Variants in NLK observed in about 807,000 individuals in gnomAD.
NLK encodes the protein serine/threonine-protein kinase NLK.
In NLK, 11 loss-of-function variants were observed where a neutral mutation model predicts 59.0. That is an observed-to-expected ratio of 0.19 (90% confidence interval 0.12 to 0.31). The LOEUF (loss-of-function observed/expected upper bound fraction) is 0.31. Ranked by LOEUF, NLK falls within the 10% of genes least tolerant of loss-of-function variation. The pLI is 1.00. For synonymous variants in NLK, 235 were observed against 235.9 expected (o/e 1.00, Z 0.03); for missense variants, 410 against 661.1 (o/e 0.62, Z 4.16).
chr17:28,128,267 A>G (rs1020835679), intron 2 of NLK, among the ~76,000 whole-genome samples: 6 of 152,220 alleles, frequency 3.9e-5, no homozygotes, highest in African/African-American at 1.4e-4. Context: ...TATTAATGTT[A>G]ATTTCTATTA....
intron 1 of NLK, chr17:28,047,921 A>G: frequency 2.5e-6 from 1 of 398,384 alleles, no homozygotes; most frequent in Non-Finnish European, 4.4e-6. Context: ...TTACAGGTTG[A>G]GAATCTGTAG....
At chr17:28,197,348 A>C (rs936829316), downstream of NLK, among the ~76,000 whole-genome samples, 2 of 152,098 alleles carry the variant, frequency 1.3e-5, no homozygotes, top group African/African-American at 4.8e-5. Flanking sequence ...GGGCGCCTAT[A>C]ATCCCACCTA....
In NLK at chr17:28,185,222, A is replaced by G. The variant is rs1485735310; in HGVS notation, c.1193A>G (p.His398Arg). 1 of 1,596,170 alleles carries G rather than the reference A, an allele frequency of 6.3e-7. No homozygotes were observed. The highest frequency in any genetic ancestry group is 8.5e-7 in the Non-Finnish European group (1 of 1,170,282). Residue 398 changes from histidine to arginine, a missense_variant, in exon 8 of 11, where the codon CAT (histidine) becomes CGT (arginine). His to Arg is a conservative substitution (Grantham distance 29). Transcript: ENST00000407008. ...TATACCCTGTCTAGCCAGGCTACAC[A>G]TGAAGCTGTTCATCTCCTTTGCAGG... ...VLYTLSSQAT[H>R]EAVHLLCRML...
chr17:28,112,254 G>T (rs1475767255), intron 1 of NLK, among the ~76,000 whole-genome samples: 1 of 152,066 alleles, frequency 6.6e-6, no homozygotes, highest in African/African-American at 2.4e-5. Context: ...GGCTTTCTCT[G>T]TTCTTTTCTA....
At chr17:28,202,866 T>C in the NLK span, among the ~76,000 whole-genome samples, 3 of 151,824 alleles carry the variant, frequency 2.0e-5, no homozygotes, top group Middle Eastern at 0.01. Context: ...GTATTTTTAG[T>C]AGAGATGGGG....
intron 1 of NLK, among the ~76,000 whole-genome samples, chr17:28,085,153 T>G (rs1910470280): frequency 6.6e-6 from 1 of 152,166 alleles, no homozygotes; most frequent in South Asian, 2.1e-4. Context: ...GCCCAAGATT[T>G]GTGATTCATC....
chr17:28,058,795 A>G (rs986290549), intron 1 of NLK, among the ~76,000 whole-genome samples: 3 of 152,168 alleles, frequency 2.0e-5, no homozygotes, highest in African/African-American at 7.2e-5. Context: ...AAAGTTTCCA[A>G]TGCTGAGTTT....
chr17:28,201,340 C>T (rs372461471), downstream of NLK, among the ~76,000 whole-genome samples: 6 of 151,938 alleles, frequency 3.9e-5, no homozygotes, highest in African/African-American at 1.4e-4. Flanking sequence ...GCCTCAGCCT[C>T]CCAGAGTGCT....
chr17:28,185,870 A>C lies in NLK; in HGVS notation c.1236+605A>C, dbSNP rs1442855088. Among the ~76,000 whole-genome samples the C allele has an allele frequency of 3.3e-5, 5 of 152,252 alleles. No individual in the cohort carries two copies. In the East Asian group the frequency reaches 5.8e-4, roughly 18 times the overall value. ...AAAGTTTTTTAAGGTTATTTGAAAAAAAAATCTGACCATTATATTGCATAA... is the reference window on the plus strand; with the variant it reads ...AAAGTTTTTTAAGGTTATTTGAAAACAAAATCTGACCATTATATTGCATAA... On this transcript the variant is annotated intron_variant, in intron 8 of 10. Coordinates refer to ENST00000407008, the MANE Select transcript of NLK (RefSeq NM_016231.5).
At position 28,043,107 on chromosome 17, in the gene NLK, G is replaced by GGCTGCA; in HGVS notation, c.243_248dup (p.Ala82_Ala83dup). On this transcript the variant is annotated inframe_insertion, in exon 1 of 11. Coordinates refer to ENST00000407008, the MANE Select transcript of NLK (RefSeq NM_016231.5). ...CGGCAGCTGCGGCAGCCGCAGCAGC[G>GGCTGCA]GCTGCAGCTGCAGCCATGTTAAACC... 6.3e-7 allele frequency: 1 copy of GGCTGCA among 1,589,118 alleles called. No individual in the cohort carries two copies. Among genetic ancestry groups the GGCTGCA allele is most frequent in the Non-Finnish European group, 8.6e-7 (1 of 1,167,988 alleles).
intron 2 of NLK, among the ~76,000 whole-genome samples, chr17:28,123,105 A>G (rs149851800): frequency 6.6e-6 from 1 of 152,134 alleles, no homozygotes; most frequent in Non-Finnish European, 1.5e-5. Context: ...AGTCCATTTT[A>G]TCAGCATTTT....
At chr17:28,150,343 T>C (rs936876651) in intron 3 of NLK, among the ~76,000 whole-genome samples, 1 of 152,154 alleles carries the variant, frequency 6.6e-6, no homozygotes, top group African/African-American at 2.4e-5. Flanking sequence ...GGTTAAGAAA[T>C]TGGATTAGCA....
intron 3 of NLK, among the ~76,000 whole-genome samples, 188 bp from the exon 4 acceptor site, chr17:28,160,972 A>G (rs1907980301): frequency 6.6e-6 from 1 of 152,182 alleles, no homozygotes; most frequent in South Asian, 2.1e-4. Context: ...ACTTTTAAAC[A>G]TGTAAGTTCT....
At chr17:28,193,576 G>A (rs947708682) in intron 10 of NLK, among the ~76,000 whole-genome samples, 3 of 152,184 alleles carry the variant, frequency 2.0e-5, no homozygotes, top group African/African-American at 7.2e-5. Flanking sequence ...CATGAACAGG[G>A]TCTGGCTCCA....
chr17:28,166,919 G>A (rs1330295309), intron 5 of NLK, among the ~76,000 whole-genome samples: 2 of 152,170 alleles, frequency 1.3e-5, no homozygotes, highest in Admixed American at 1.3e-4. Flanking sequence ...ATGGCATGAA[G>A]AAATGAATGA....
intron 1 of NLK, among the ~76,000 whole-genome samples, chr17:28,049,272 ATGGGGATGTC>A (rs1909166528): frequency 6.6e-6 from 1 of 152,164 alleles, no homozygotes; most frequent in Non-Finnish European, 1.5e-5. Context: ...GGGAGTATAT[ATGGGGATGTC>A]TGCCACTCAT....
chr17:28,181,212 A>G (rs1428990960), intron 7 of NLK, among the ~76,000 whole-genome samples: 2 of 152,142 alleles, frequency 1.3e-5, no homozygotes, highest in African/African-American at 4.8e-5. Flanking sequence ...CAGCCTGGGC[A>G]ACATGGCAAA....
chr17:28,136,950 C>CAAAAAA (rs67290939), intron 3 of NLK, among the ~76,000 whole-genome samples: 2 of 80,608 alleles, frequency 2.5e-5, no homozygotes, highest in African/African-American at 5.4e-5. Flanking sequence ...GTAGCCAAAG[C>CAAAAAA]AAAAAAAAAA....
Position 28,105,802 on chromosome 17 carries a change from T to G in NLK, c.459-16801T>G, listed in dbSNP as rs933203380. Among the ~76,000 whole-genome samples, 6 of 152,222 alleles carry G rather than the reference T, an allele frequency of 3.9e-5. No homozygotes were observed. The South Asian group carries it at 6.2e-4, about 16-fold the overall frequency. On this transcript the variant is annotated intron_variant, in intron 1 of 10. Coordinates refer to ENST00000407008, the MANE Select transcript of NLK (RefSeq NM_016231.5). ...CCAGCTGGATCTGGAGTAGACATTG[T>G]TAGCTAATGATGATCACTTTACTCA...
Sources: gnomAD v4.1 joint callset for allele counts (sites outside exome capture counted in the v4.1 genomes callset) on GRCh38, gnomAD v4.1.1 for gene constraint, MANE v1.5 for transcripts, NCBI Gene and HGNC (gene_info 2026-07-23, HGNC 2026-07-21) for gene names.